The following BEND4 variants were observed in gnomAD, a reference collection of about 807,000 sequenced individuals.
BEND4 encodes BEN domain-containing protein 4.
In BEND4, 27 loss-of-function variants were observed where a neutral mutation model predicts 54.7. That is an observed-to-expected ratio of 0.49 (90% CI 0.36 to 0.68). The LOEUF (loss-of-function observed/expected upper bound fraction) is 0.68, where lower values mean the gene tolerates loss of function less well. BEND4 is among the 30% of genes least tolerant of loss of function. The probability of loss-of-function intolerance (pLI) is 0.00; values close to 1 mark genes in which losing one functional copy is unlikely to be tolerated. For missense variants in BEND4, 702 were observed against 697.2 expected (o/e 1.01, Z -0.08); for synonymous variants, 327 against 299.5 (o/e 1.09, Z -0.95).
Position 42,152,284 on chromosome 4 carries a change from C to T in BEND4, c.-141G>A, listed in dbSNP as rs1721333492. The T allele has an allele frequency of 2.4e-6, 2 of 827,874 alleles. No homozygotes were observed. Among genetic ancestry groups the T allele is most frequent in the African/African-American group, 1.8e-5 (1 of 55,950 alleles). 51.3% of individuals were successfully genotyped at this position (827,874 alleles called of 1,614,324 possible). The stretch of plus-strand genomic sequence containing the variant: ...GTGTGTGTCTGTGCCGTGGCCGCCG[C>T]CGCCGCCGCCTGTCGCTGAGGCTGG... On this transcript the variant is annotated 5_prime_UTR_variant, in exon 2 of 6. Coordinates refer to ENST00000502486, the MANE Select transcript of BEND4 (RefSeq NM_207406.4).
Position 42,120,272 on chromosome 4 carries a change from T to C in BEND4, c.1169A>G (p.Asn390Ser), listed in dbSNP as rs144453545. ...TTTGCTCGTTATGTAGACAGGATAGTTGTTCAACAGCTGCTTGCTTCCCTG... is the reference window on the plus strand; with the variant it reads ...TTTGCTCGTTATGTAGACAGGATAGCTGTTCAACAGCTGCTTGCTTCCCTG... Reference protein sequence around the residue: ...PTEGSKQLLNNYPVYITSKQW... With the variant: ...PTEGSKQLLNSYPVYITSKQW... Residue 390 changes from asparagine (N) to serine (S), a missense_variant, in exon 5 of 6, where the codon AAC (asparagine) becomes AGC (serine). Transcript: ENST00000502486. 30,075 of 1,600,810 alleles carry C rather than the reference T, an allele frequency of 0.019. 324 individuals are homozygous for C. The highest frequency in any genetic ancestry group is 0.023 in the Non-Finnish European group (27,249 of 1,168,786).
rs73812741 is a variant in BEND4 at position 42,135,945 on chromosome 4, T to G, written c.1054+7483A>C. On this transcript the variant is annotated intron_variant, in intron 3 of 5. Transcript: ENST00000502486. ...CACGGCTTTGACTCCGAATCCATTCTCTTTACCTTCTGTTGCTCTGTCTCC... is the reference window on the plus strand; with the variant it reads ...CACGGCTTTGACTCCGAATCCATTCGCTTTACCTTCTGTTGCTCTGTCTCC... Among the ~76,000 whole-genome samples, 1,208 of 152,320 alleles carry G rather than the reference T, an allele frequency of 7.9e-3. 19 individuals are homozygous for G. The highest frequency in any genetic ancestry group is 0.028 in the African/African-American group (1,160 of 41,564).
At position 42,144,004 on chromosome 4, in the gene BEND4, A is replaced by G; in HGVS notation, c.488-10T>C. The stretch of plus-strand genomic sequence containing the variant: ...AAGATCATTCGACTCTCTGAAACAA[A>G]TGAAAGGACACATCAGTGACCAACA... On this transcript the variant is annotated splice_polypyrimidine_tract_variant and intron_variant, in intron 2 of 5. Coordinates refer to ENST00000502486, the MANE Select transcript of BEND4 (RefSeq NM_207406.4). 6.3e-7 allele frequency: 1 copy of G among 1,579,488 alleles called. No individual in the cohort carries two copies. Among genetic ancestry groups the G allele is most frequent in the South Asian group, 1.2e-5 (1 of 83,908 alleles).
At chr4:42,132,901 T>G (rs1720559014) in intron 3 of BEND4, among the ~76,000 whole-genome samples, 1 of 152,170 alleles carries the variant, frequency 6.6e-6, no homozygotes, top group Admixed American at 6.5e-5. Context: ...AAAATGAAAC[T>G]TCTATTACAA....
chr4:42,125,771 T>C, intron 3 of BEND4, 97 bp from the exon 4 acceptor site: 1 of 739,642 alleles, frequency 1.4e-6, no homozygotes, highest in South Asian at 2.0e-5. Context: ...ACAGAGGTCT[T>C]ACTGGCACCC....
At chr4:42,138,322 G>T (rs1484233582) in intron 3 of BEND4, among the ~76,000 whole-genome samples, 2 of 152,114 alleles carry the variant, frequency 1.3e-5, no homozygotes, top group Admixed American at 1.3e-4. Context: ...GCCAGACACA[G>T]AAAGAAAAAT....
intron 4 of BEND4, among the ~76,000 whole-genome samples, chr4:42,123,705 A>AAAAC (rs1720155016): frequency 6.9e-6 from 1 of 144,908 alleles, no homozygotes; most frequent in Non-Finnish European, 1.5e-5. Flanking sequence ...AAAAAAAAAA[A>AAAAC]AAAAAAAAAA....
At chr4:42,122,574 A>G (rs949397340) in intron 4 of BEND4, among the ~76,000 whole-genome samples, 2 of 152,232 alleles carry the variant, frequency 1.3e-5, no homozygotes, top group Non-Finnish European at 2.9e-5. Flanking sequence ...TCGCAAAGTT[A>G]AAGAACTTTA....
At chr4:42,135,562 G>A (rs764797172) in intron 3 of BEND4, among the ~76,000 whole-genome samples, 1 of 152,050 alleles carries the variant, frequency 6.6e-6, no homozygotes. Flanking sequence ...CATGAGGTCA[G>A]GAGATCGAGA....
At position 42,117,204 on chromosome 4, in the gene BEND4, G is replaced by C; in HGVS notation, c.*314C>G. The stretch of plus-strand genomic sequence containing the variant: ...TACCTTGGGGACTATCTCTGCCCAG[G>C]TAGCAGAGTTTGAAGATTTCAGAAA... On this transcript the variant is annotated 3_prime_UTR_variant, in exon 6 of 6. Coordinates refer to ENST00000502486, the MANE Select transcript of BEND4 (RefSeq NM_207406.4). The C allele has an allele frequency of 4.5e-6, 1 of 222,486 alleles. No individual in the cohort carries two copies. The highest frequency in any genetic ancestry group is 8.7e-6 in the Non-Finnish European group (1 of 114,718). The allele number at this position is 222,486 out of a possible 1,614,324, so 13.8% of individuals were successfully genotyped here.
chr4:42,142,920 A>G (rs1560583155), intron 3 of BEND4, among the ~76,000 whole-genome samples: 1 of 152,210 alleles, frequency 6.6e-6, no homozygotes, highest in East Asian at 1.9e-4. Flanking sequence ...GAAATAGAAG[A>G]GACCATTTCA....
intron 2 of BEND4, among the ~76,000 whole-genome samples, chr4:42,146,907 TTAGAG>T (rs1019822403): frequency 6.6e-5 from 10 of 152,198 alleles, no homozygotes; most frequent in African/African-American, 2.4e-4. Context: ...ATAAATCACA[TTAGAG>T]TATAGATTTT....
At chr4:42,134,886 T>C (rs1720642734) in intron 3 of BEND4, among the ~76,000 whole-genome samples, 1 of 152,158 alleles carries the variant, frequency 6.6e-6, no homozygotes, top group African/African-American at 2.4e-5. Context: ...AACTGTCCAA[T>C]GGGGTTGGAA....
rs942061929 is a variant in BEND4, at chr4:42,116,419, T to C, written c.*1099A>G. 3.3e-5 allele frequency: 5 copies of C among 152,316 alleles called. No homozygotes were observed. In the South Asian group the frequency reaches 1.0e-3, roughly 32 times the overall value. The allele number at this position is 152,316 out of a possible 1,614,324, so 9.4% of individuals were successfully genotyped here. On this transcript the variant is annotated 3_prime_UTR_variant, in exon 6 of 6. Coordinates refer to ENST00000502486, the MANE Select transcript of BEND4 (RefSeq NM_207406.4). ...TAACCAGGGGATAGCGGCACAGTGCTGACTTAGCCATAGCTAAGGGGTACA... is the reference window on the plus strand; with the variant it reads ...TAACCAGGGGATAGCGGCACAGTGCCGACTTAGCCATAGCTAAGGGGTACA...
chr4:42,152,079 C>A lies in BEND4; in HGVS notation c.65G>T (p.Ser22Ile). ...GAACGTCTTGAGGACGCTGTAGGGG[C>A]TGCGCTGCTTGTAGATTTTGGGGAC... is the stretch of plus-strand genomic sequence containing the variant. The part of the protein sequence containing the change: ...PSVPKIYKQR[S>I]PYSVLKTFPS... The change falls in exon 2 of 6, where the codon AGC (serine) becomes ATC (isoleucine). Residue 22 changes from serine to isoleucine, a missense_variant. By Grantham distance (142) the Ser-to-Ile change is moderately radical (BLOSUM62 -2). Transcript: ENST00000502486. The A allele has an allele frequency of 1.6e-6, 2 of 1,251,654 alleles. No homozygotes were observed. The highest frequency in any genetic ancestry group is 2.0e-6 in the Non-Finnish European group (2 of 990,060). 77.5% of individuals were successfully genotyped at this position (1,251,654 alleles called of 1,614,324 possible). A position where few individuals can be genotyped will look rare whatever the true frequency, so the allele number is the denominator to read the frequency against.
Position 42,151,648 on chromosome 4 carries a change from A to G in BEND4, c.487+9T>C. The G allele has an allele frequency of 7.1e-7, 1 of 1,416,078 alleles. No individual in the cohort carries two copies. Among genetic ancestry groups the G allele is most frequent in the Non-Finnish European group, 9.2e-7 (1 of 1,086,606 alleles). 87.7% of individuals were successfully genotyped at this position (1,416,078 alleles called of 1,614,324 possible). A position where few individuals can be genotyped will look rare whatever the true frequency, so the allele number is the denominator to read the frequency against. On this transcript the variant is annotated intron_variant, in intron 2 of 5. Coordinates refer to ENST00000502486, the MANE Select transcript of BEND4 (RefSeq NM_207406.4). ...TGGCGGGAAGGAAAGTTGTGCGGAG[A>G]GTTGGTACCTGCGCTGAGCTCCAGG...
chr4:42,119,828 T>A (rs190374179), intron 5 of BEND4: 36 of 523,216 alleles, frequency 6.9e-5, no homozygotes, highest in Non-Finnish European at 2.1e-5. Context: ...AAACATGAGG[T>A]GCTATGCGAT....
chr4:42,149,377 A>G (rs1721184069), intron 2 of BEND4, among the ~76,000 whole-genome samples: 1 of 152,148 alleles, frequency 6.6e-6, no homozygotes, highest in South Asian at 2.1e-4. Flanking sequence ...TAATATTATG[A>G]CCACAATTCA....
intron 2 of BEND4, among the ~76,000 whole-genome samples, chr4:42,147,284 A>C (rs1216104906): frequency 6.6e-6 from 1 of 152,114 alleles, no homozygotes; most frequent in Non-Finnish European, 1.5e-5. Flanking sequence ...AAAACAGCAA[A>C]TCTTTCCACT....
Sources: gnomAD v4.1 joint callset for allele counts (sites outside exome capture counted in the v4.1 genomes callset) on GRCh38, gnomAD v4.1.1 for gene constraint, MANE v1.5 for transcripts, NCBI Gene and HGNC (gene_info 2026-07-23, HGNC 2026-07-21) for gene names.